LRRC4C: variants seen among roughly 807,000 people sequenced by gnomAD.
The protein encoded by LRRC4C is leucine rich repeat containing 4C, also known as leucine-rich repeat-containing protein 4C.
LRRC4C carries 5 observed loss-of-function variants against 33.6 expected under a neutral mutation model. The observed-to-expected ratio is 0.15, with a 90% CI of 0.08 to 0.31. LRRC4C has a LOEUF of 0.31. LRRC4C is among the 10% of genes least tolerant of loss of function. The probability of loss-of-function intolerance (pLI) is 1.00; values close to 1 mark genes in which losing one functional copy is unlikely to be tolerated. For synonymous variants in LRRC4C, 329 were observed against 302.0 expected, an observed-to-expected ratio of 1.09 and a Z score of -0.93; for missense variants, 560 against 796.7, an observed-to-expected ratio of 0.70 and a Z score of 3.58.
At chr11:40,227,992 G>A (rs1363513062) in intron 5 of LRRC4C, among the ~76,000 whole-genome samples, 1 of 152,150 alleles carries the variant, frequency 6.6e-6, no homozygotes, top group Non-Finnish European at 1.5e-5. Flanking sequence ...TTGCAGAAGA[G>A]AAAACTGAAG....
At chr11:40,737,392 A>T (rs1014205422) in intron 2 of LRRC4C, among the ~76,000 whole-genome samples, 1 of 152,134 alleles carries the variant, frequency 6.6e-6, no homozygotes, top group Admixed American at 6.6e-5. Context: ...AGAGAAAAAA[A>T]TAAAGTTATT....
intron 2 of LRRC4C, among the ~76,000 whole-genome samples, chr11:40,680,658 C>T (rs1944642072): frequency 6.6e-6 from 1 of 152,168 alleles, no homozygotes; most frequent in Non-Finnish European, 1.5e-5. Flanking sequence ...TGACTTGCTC[C>T]TCCTTGCTTT....
chr11:41,288,028 G>A (rs1949883506), intron 1 of LRRC4C, among the ~76,000 whole-genome samples: 1 of 152,138 alleles, frequency 6.6e-6, no homozygotes, highest in African/African-American at 2.4e-5. Flanking sequence ...ATTAAATGCT[G>A]GGCCAGTTAT....
chr11:41,444,827 G>A (rs1955768846), intron 1 of LRRC4C, among the ~76,000 whole-genome samples: 1 of 150,084 alleles, frequency 6.7e-6, no homozygotes, highest in Admixed American at 6.6e-5. Flanking sequence ...TTTTGAGATG[G>A]AATTTCGCTC....
intron 2 of LRRC4C, among the ~76,000 whole-genome samples, chr11:40,926,970 T>C (rs1006057163): frequency 6.6e-6 from 1 of 152,192 alleles, no homozygotes; most frequent in African/African-American, 2.4e-5. Context: ...TTTCCTGATA[T>C]TTCCAAAATG....
intron 2 of LRRC4C, among the ~76,000 whole-genome samples, chr11:40,740,198 C>T (rs1234768164): frequency 6.6e-6 from 1 of 151,770 alleles, no homozygotes; most frequent in Non-Finnish European, 1.5e-5. Context: ...TTCCTGGATC[C>T]TATGGTAGTA....
At chr11:41,275,445 C>A (rs1050189177) in intron 1 of LRRC4C, among the ~76,000 whole-genome samples, 32 of 152,166 alleles carry the variant, frequency 2.1e-4, no homozygotes, top group African/African-American at 7.7e-4. Flanking sequence ...TGATTTCTAT[C>A]ATTATTGTCC....
chr11:40,866,328 A>G (rs1202449660), intron 2 of LRRC4C, among the ~76,000 whole-genome samples: 1 of 152,204 alleles, frequency 6.6e-6, no homozygotes, highest in African/African-American at 2.4e-5. Flanking sequence ...TCAGAAAAGT[A>G]TAAAATGTCA....
At position 41,229,564 on chromosome 11, in the gene LRRC4C, A is replaced by G. The variant is rs180865052; in HGVS notation, c.-496+229867T>C. ...ATTAATTTCTCAACTTGCCCTTCTC[A>G]TACTACATACAAATTCGGAACTCAC... On this transcript the variant is annotated intron_variant, in intron 1 of 6. Transcript: ENST00000528697. 1.8e-4 allele frequency among the ~76,000 whole-genome samples: 27 copies of G among 152,240 alleles called. 1 individual carries two copies. The highest frequency in any genetic ancestry group is 1.7e-3 in the South Asian group (8 of 4,832).
chr11:40,319,969 A>G (rs1945760949), intron 3 of LRRC4C, among the ~76,000 whole-genome samples: 1 of 152,066 alleles, frequency 6.6e-6, no homozygotes, highest in African/African-American at 2.4e-5. Context: ...ATATACATAT[A>G]TCTATTTGAT....
chr11:40,393,261 A>T (rs1166207507), intron 3 of LRRC4C, among the ~76,000 whole-genome samples: 1 of 152,132 alleles, frequency 6.6e-6, no homozygotes, highest in African/African-American at 2.4e-5. Flanking sequence ...TCCACATAAT[A>T]TCCTACGTAC....
At chr11:41,335,124 T>C (rs1002216430) in intron 1 of LRRC4C, among the ~76,000 whole-genome samples, 1 of 152,188 alleles carries the variant, frequency 6.6e-6, no homozygotes, top group Admixed American at 6.5e-5. Flanking sequence ...ACCAAGTGAG[T>C]ATCTCTGTTT....
chr11:40,599,642 C>T (rs1400881449), intron 3 of LRRC4C, among the ~76,000 whole-genome samples: 1 of 152,166 alleles, frequency 6.6e-6, no homozygotes, highest in Non-Finnish European at 1.5e-5. Context: ...GATACCACAT[C>T]TCTTTTTCAC....
intron 3 of LRRC4C, among the ~76,000 whole-genome samples, chr11:40,399,686 T>C (rs1396077297): frequency 2.6e-5 from 4 of 151,838 alleles, no homozygotes; most frequent in Non-Finnish European, 1.5e-5. Flanking sequence ...AGTATAATAA[T>C]AATAAAAAAC....
intron 1 of LRRC4C, among the ~76,000 whole-genome samples, chr11:41,299,497 C>T (rs191396866): frequency 6.6e-6 from 1 of 151,986 alleles, no homozygotes; most frequent in Admixed American, 6.5e-5. Context: ...GTTTCTATAT[C>T]CAGTTATCAA....
intron 1 of LRRC4C, among the ~76,000 whole-genome samples, chr11:41,109,443 A>G (rs1941702276): frequency 6.6e-6 from 1 of 152,094 alleles, no homozygotes; most frequent in South Asian, 2.1e-4. Context: ...TAAAGGCTTT[A>G]TTTAGAATCA....
chr11:40,598,050 C>CT lies in LRRC4C; in HGVS notation c.-270+50091dup, dbSNP rs1959547835. ...TATTATTGTTTGTCACTCATAGGTG[C>CT]TTTTTCAAAAGTTTCCTCTGAAGTA... On this transcript the variant is annotated intron_variant, in intron 3 of 6. Transcript: ENST00000528697. Among the ~76,000 whole-genome samples the CT allele has an allele frequency of 2.0e-5, 3 of 152,062 alleles. No individual in the cohort carries two copies. The South Asian group carries it at 6.2e-4, about 32-fold the overall frequency.
At chr11:41,279,428 A>ACACACCCC (rs58139193) in intron 1 of LRRC4C, among the ~76,000 whole-genome samples, 3,006 of 140,850 alleles carry the variant, frequency 0.021, 55 homozygotes, top group Admixed American at 0.029. Flanking sequence ...ACACACACAC[A>ACACACCCC]CCGTGGCAAT....
intron 2 of LRRC4C, among the ~76,000 whole-genome samples, chr11:40,915,100 C>T (rs899591362): frequency 1.9e-4 from 29 of 152,006 alleles, no homozygotes; most frequent in East Asian, 5.8e-4. Flanking sequence ...GAATCAATAT[C>T]GTGAAAATGG....
Sources: gnomAD v4.1 joint callset for allele counts (sites outside exome capture counted in the v4.1 genomes callset) on GRCh38, gnomAD v4.1.1 for gene constraint, MANE v1.5 for transcripts, NCBI Gene and HGNC (gene_info 2026-07-23, HGNC 2026-07-21) for gene names.